RBPJ: variants seen among roughly 807,000 people sequenced by gnomAD.
RBPJ encodes the protein recombining binding protein suppressor of hairless.
Under a neutral mutation model 67.8 loss-of-function variants are expected in RBPJ, and 9 were observed. The observed-to-expected ratio is 0.13, with a 90% CI of 0.08 to 0.23. RBPJ has a LOEUF of 0.23. Ranked by LOEUF, RBPJ falls within the 10% of genes least tolerant of loss-of-function variation. The pLI is 1.00. For missense variants in RBPJ, 305 were observed against 595.6 expected (o/e 0.51, Z 5.08); for synonymous variants, 198 against 203.3 (o/e 0.97, Z 0.22).
chr4:26,398,960 TCA>T (rs1732470110), intron 2 of RBPJ, among the ~76,000 whole-genome samples: 1 of 152,196 alleles, frequency 6.6e-6, no homozygotes, highest in Non-Finnish European at 1.5e-5. Context: ...TTAAAAGTAC[TCA>T]GTTTCTAGAT....
chr4:26,148,412 G>A, the RBPJ span, among the ~76,000 whole-genome samples: 1 of 152,250 alleles, frequency 6.6e-6, no homozygotes, highest in South Asian at 2.1e-4. Flanking sequence ...TCAAACAAAG[G>A]ACTAGTGGGG....
chr4:26,274,469 A>T (rs757085907), intron 1 of RBPJ, among the ~76,000 whole-genome samples: 7 of 151,942 alleles, frequency 4.6e-5, no homozygotes, highest in East Asian at 1.9e-4. Context: ...CTCTACATAA[A>T]TTTTTTTAAA....
Position 26,393,965 on chromosome 4 carries a change from A to T in RBPJ, c.59+7574A>T, listed in dbSNP as rs188550265. Among the ~76,000 whole-genome samples, 665 of 152,056 alleles carry T rather than the reference A, an allele frequency of 4.4e-3. 5 individuals carry two copies. The highest frequency in any genetic ancestry group is 0.015 in the African/African-American group (641 of 41,482). On this transcript the variant is annotated intron_variant, in intron 2 of 10. Transcript: ENST00000355476. ...TCTAAACATAGTTCTGCCTACACAG[A>T]GTTTAAACTTTTGATTAAGGCTCGT...
chr4:26,408,510 A>G (rs1293831259), intron 3 of RBPJ, among the ~76,000 whole-genome samples: 1 of 152,154 alleles, frequency 6.6e-6, no homozygotes, highest in Non-Finnish European at 1.5e-5. Context: ...GAAAAAGTTA[A>G]CACCCATCAT....
In RBPJ at chr4:26,380,877, G is replaced by A. The variant is rs369252090; in HGVS notation, c.21-5476G>A. Among the ~76,000 whole-genome samples the A allele has an allele frequency of 1.1e-4, 17 of 151,464 alleles. No individual in the cohort carries two copies. In the East Asian group the frequency reaches 1.5e-3, roughly 14 times the overall value. ...TTAAATAGAAGATTTGTGAAATAGA[G>A]AAAAATAAATTACTTCTAGTTTCAC... On this transcript the variant is annotated intron_variant, in intron 1 of 10. Coordinates refer to ENST00000355476, the MANE Select transcript of RBPJ (RefSeq NM_015874.6).
chr4:26,106,218 A>T, the RBPJ span, among the ~76,000 whole-genome samples: 2 of 152,244 alleles, frequency 1.3e-5, no homozygotes, highest in Non-Finnish European at 2.9e-5. Flanking sequence ...TGTACAGCAG[A>T]GGGTCAGAAA....
chr4:26,316,959 G>T (rs1253804862), upstream of RBPJ, among the ~76,000 whole-genome samples: 1 of 148,944 alleles, frequency 6.7e-6, no homozygotes, highest in Non-Finnish European at 1.5e-5. Context: ...AACCCTAGGA[G>T]GCTTAGTCTT....
At chr4:26,238,922 G>A (rs1420873553) in intron 1 of RBPJ, among the ~76,000 whole-genome samples, 1 of 152,136 alleles carries the variant, frequency 6.6e-6, no homozygotes, top group Admixed American at 6.5e-5. Flanking sequence ...GAGAGCCACA[G>A]AGATCAACGC....
chr4:26,114,478 CATAT>C, the RBPJ span, among the ~76,000 whole-genome samples: 7 of 123,190 alleles, frequency 5.7e-5, no homozygotes, highest in Middle Eastern at 4.5e-3. Context: ...AAAGAATGTA[CATAT>C]ATATATATAT....
intron 1 of RBPJ, among the ~76,000 whole-genome samples, chr4:26,187,679 GTTTTTC>G (rs910729737): frequency 6.6e-6 from 1 of 152,100 alleles, no homozygotes; most frequent in African/African-American, 2.4e-5. Context: ...TTTCTATCCT[GTTTTTC>G]TTTTTCATAG....
chr4:26,241,121 T>C (rs1667304494), intron 1 of RBPJ, among the ~76,000 whole-genome samples: 1 of 151,012 alleles, frequency 6.6e-6, no homozygotes, highest in South Asian at 2.1e-4. Flanking sequence ...CACTTGAGCC[T>C]GGGAATCCGA....
At chr4:26,177,132 T>C (rs1478689284) in intron 1 of RBPJ, among the ~76,000 whole-genome samples, 1 of 152,182 alleles carries the variant, frequency 6.6e-6, no homozygotes, top group African/African-American at 2.4e-5. Flanking sequence ...TCCTAGATAT[T>C]CATAAGCCTC....
At chr4:26,128,678 A>G in the RBPJ span, among the ~76,000 whole-genome samples, 1 of 152,216 alleles carries the variant, frequency 6.6e-6, no homozygotes, top group Non-Finnish European at 1.5e-5. Flanking sequence ...CGGGCATCTT[A>G]TGAGATGATG....
chr4:26,207,379 C>A (rs753723053), intron 1 of RBPJ, among the ~76,000 whole-genome samples: 1 of 152,136 alleles, frequency 6.6e-6, no homozygotes, highest in Non-Finnish European at 1.5e-5. Context: ...AGAGGTCACA[C>A]CTTCTTCTCC....
chr4:26,389,113 C>T (rs149205291), intron 2 of RBPJ, among the ~76,000 whole-genome samples: 6 of 151,854 alleles, frequency 4.0e-5, no homozygotes, highest in African/African-American at 1.4e-4. Context: ...CCTGTAGTCC[C>T]AGCTTCTTGG....
intron 1 of RBPJ, among the ~76,000 whole-genome samples, chr4:26,371,262 T>C (rs2109549728): frequency 6.6e-6 from 1 of 152,294 alleles, no homozygotes; most frequent in East Asian, 1.9e-4. Context: ...CATAATAATC[T>C]TTTTGTTTTG....
intron 1 of RBPJ, among the ~76,000 whole-genome samples, chr4:26,240,936 G>T (rs1028493543): frequency 6.6e-6 from 1 of 152,024 alleles, no homozygotes; most frequent in Admixed American, 6.6e-5. Context: ...GCAAATCAAG[G>T]CTTTACTAAT....
the RBPJ span, chr4:26,113,031 G>A: frequency 6.3e-6 from 1 of 157,704 alleles, no homozygotes; most frequent in African/African-American, 2.4e-5. Context: ...GGGATTACAA[G>A]TGTGAGCCAC....
chr4:26,243,706 T>C (rs2109222273), intron 1 of RBPJ, among the ~76,000 whole-genome samples: 1 of 152,346 alleles, frequency 6.6e-6, no homozygotes, highest in Non-Finnish European at 1.5e-5. Flanking sequence ...AGATTCCACA[T>C]AAACATGATC....
Sources: allele counts gnomAD v4.1 joint callset (sites outside exome capture counted in the v4.1 genomes callset), GRCh38; gene constraint gnomAD v4.1.1; transcripts MANE v1.5; gene names NCBI Gene and HGNC (gene_info 2026-07-23, HGNC 2026-07-21).